The following ZFYVE26 variants were observed in gnomAD, a reference collection of about 807,000 sequenced individuals.
ZFYVE26 encodes zinc finger FYVE-type containing 26, also known as zinc finger FYVE domain-containing protein 26.
Under a neutral mutation model 276.5 loss-of-function variants are expected in ZFYVE26, and 181 were observed. The observed-to-expected ratio is 0.65, with a 90% confidence interval of 0.58 to 0.74. ZFYVE26 has a LOEUF of 0.74. ZFYVE26 is among the 30% of genes least tolerant of loss of function. The pLI is 0.00. For synonymous variants in ZFYVE26, 1,129 were observed against 1,203.1 expected (o/e 0.94, Z 1.27); for missense variants, 2,821 against 3,097.9 (o/e 0.91, Z 2.12).
rs755986101 is a variant in ZFYVE26 at position 67,782,763 on chromosome 14, C to A, written c.4372+17G>T. The A allele has an allele frequency of 3.1e-6, 5 of 1,613,950 alleles. No individual in the cohort carries two copies. The highest frequency in any genetic ancestry group is 3.4e-6 in the Non-Finnish European group (4 of 1,180,026). ...TATTACCACTAGTGAAAAAGGGAGG[C>A]ATAGCATTCTGCTCACCACATGCCA... On this transcript the variant is annotated intron_variant, in intron 21 of 41. Transcript: ENST00000347230.
At chr14:67,761,025 C>T (rs1007823974) in intron 35 of ZFYVE26, 11 of 581,070 alleles carry the variant, frequency 1.9e-5, no homozygotes, top group African/African-American at 1.9e-4. Context: ...TGGAAGCAGA[C>T]TCTAAGCAAT....
In ZFYVE26 at chr14:67,798,544, T is replaced by C; in HGVS notation, c.1718A>G (p.Glu573Gly). 1 of 1,613,974 alleles carries C rather than the reference T, an allele frequency of 6.2e-7. No homozygotes were observed. The highest frequency in any genetic ancestry group is 1.1e-5 in the South Asian group (1 of 91,074). ...CAATGAGAAGATGTTTTCCAGAAGC[T>C]CCAGGCACAGAGAGTCAGGAATACT... ...LCSIPDSLCL[E>G]LLENIFSLLL... The change falls in exon 11 of 42, where the codon GAG becomes GGG. Residue 573 changes from glutamate to glycine, a missense_variant. Coordinates refer to ENST00000347230, the MANE Select transcript of ZFYVE26 (RefSeq NM_015346.4).
chr14:67,784,885 C>T (rs557855337), intron 19 of ZFYVE26, among the ~76,000 whole-genome samples, 174 bp downstream of exon 19: 1 of 152,324 alleles, frequency 6.6e-6, no homozygotes, highest in Non-Finnish European at 1.5e-5. Context: ...TACAGCTATA[C>T]TAGCACAAAG....
At chr14:67,774,432 G>T (rs1213183415) in intron 27 of ZFYVE26, among the ~76,000 whole-genome samples, 2 of 152,078 alleles carry the variant, frequency 1.3e-5, no homozygotes, top group Non-Finnish European at 2.9e-5. Flanking sequence ...CCAGGAGGCG[G>T]AGGTTGCAGT....
chr14:67,729,543 A>G, exon 14 of ZFYVE26: 2 of 712,124 alleles, frequency 2.8e-6, no homozygotes, highest in East Asian at 2.7e-5. Flanking sequence ...GGAAACTTAC[A>G]GTACAAACTT....
intron 13 of ZFYVE26, among the ~76,000 whole-genome samples, chr14:67,732,430 A>G (rs1391680351): frequency 6.7e-4 from 2 of 2,992 alleles, no homozygotes; most frequent in African/African-American, 1.7e-3. Context: ...ACCCTATCTC[A>G]AAAAAAAAAA....
In ZFYVE26 at chr14:67,769,652, C is replaced by T; in HGVS notation, c.5563G>A (p.Gly1855Ser). The T allele has an allele frequency of 6.2e-7, 1 of 1,614,050 alleles. No individual in the cohort carries two copies. Among genetic ancestry groups the T allele is most frequent in the Non-Finnish European group, 8.5e-7 (1 of 1,179,938 alleles). ...ACACGAGCAGGGTTCTCTCTGCAGCCTTCAACCACCATTTTCTTAGTGGAG... is the reference window on the plus strand; with the variant it reads ...ACACGAGCAGGGTTCTCTCTGCAGCTTTCAACCACCATTTTCTTAGTGGAG... The part of the protein sequence containing the change: ...SCSTKKMVVE[G>S]CRENPARVCD... Residue 1855 changes from glycine to serine, a missense_variant, in exon 29 of 42, where the codon GGC becomes AGC. Coordinates refer to ENST00000347230, the MANE Select transcript of ZFYVE26 (RefSeq NM_015346.4).
chr14:67,750,897 C>T (rs1235291273), intron 41 of ZFYVE26, 155 bp downstream of exon 41: 13 of 923,522 alleles, frequency 1.4e-5, no homozygotes, highest in African/African-American at 6.5e-5. Flanking sequence ...CTCCTTTCTA[C>T]ACCCCTATCC....
chr14:67,780,509 G>A (rs1369307134), intron 22 of ZFYVE26, among the ~76,000 whole-genome samples, 164 bp from the exon 23 acceptor site: 2 of 152,180 alleles, frequency 1.3e-5, no homozygotes, highest in Non-Finnish European at 2.9e-5. Flanking sequence ...ATTATTTAGA[G>A]AGCAGAGTGA....
chr14:67,775,126 G>C lies in ZFYVE26; in HGVS notation c.5222-12C>G, dbSNP rs764707646. Reference sequence around the variant, plus strand: ...GTGAATCACAGAATCTGTAGAGAGGGAAAATGCTGACAAAATATGGTTCTA... The same window carrying C: ...GTGAATCACAGAATCTGTAGAGAGGCAAAATGCTGACAAAATATGGTTCTA... On this transcript the variant is annotated splice_polypyrimidine_tract_variant and intron_variant, in intron 26 of 41. Transcript: ENST00000347230. 13 of 1,574,126 alleles carry C rather than the reference G, an allele frequency of 8.3e-6. No individual in the cohort carries two copies. The East Asian group carries it at 2.5e-4, about 30-fold the overall frequency.
rs746887711 is a variant in ZFYVE26, at chr14:67,798,356, C to T, written c.1906G>A (p.Gly636Arg). Residue 636 changes from glycine (G) to arginine (R), a missense_variant, in exon 11 of 42, where the codon GGA (glycine) becomes AGA (arginine). By Grantham distance (125) the Gly-to-Arg change is moderately radical (BLOSUM62 -2). Coordinates refer to ENST00000347230, the MANE Select transcript of ZFYVE26 (RefSeq NM_015346.4). The stretch of plus-strand genomic sequence containing the variant: ...GTATAAGCAAGGGTCTTTGGGACTC[C>T]CAGGGAACCCCGTTCTGACTTCCTT... ...PERKSERGSL[G>R]VPKTLAYTMP... 1.4e-5 allele frequency: 23 copies of T among 1,609,760 alleles called. 2 individuals carry two copies. Among genetic ancestry groups the T allele is most frequent in the Middle Eastern group, 1.7e-4 (1 of 6,030 alleles).
intron 5 of ZFYVE26, 105 bp from the exon 6 acceptor site, chr14:67,806,780 C>T (rs1335203457): frequency 2.1e-6 from 3 of 1,418,946 alleles, no homozygotes; most frequent in Non-Finnish European, 2.9e-6. Flanking sequence ...CTTTTAAAAA[C>T]TTAGGCTGGG....
intron 35 of ZFYVE26, among the ~76,000 whole-genome samples, chr14:67,757,560 T>C (rs1415041902): frequency 6.6e-6 from 1 of 152,220 alleles, no homozygotes; most frequent in Non-Finnish European, 1.5e-5. Context: ...TTATTTTTCT[T>C]CTTCTTATTC....
Position 67,816,532 on chromosome 14 carries a change from AC to A in ZFYVE26, c.-84+1del, listed in dbSNP as rs1028438780. 3 of 152,682 alleles carry A rather than the reference AC, an allele frequency of 2.0e-5. No homozygotes were observed. Among genetic ancestry groups the A allele is most frequent in the Admixed American group, 2.0e-4 (3 of 15,324 alleles). The allele number at this position is 152,682 out of a possible 1,614,324, so 9.5% of individuals were successfully genotyped here. ...TCCCTCTCAGGGGTGTCTTACACTCACCTGCTCCCGGCGCCCAAAGCAATAG... is the reference window on the plus strand; with the variant it reads ...TCCCTCTCAGGGGTGTCTTACACTCACTGCTCCCGGCGCCCAAAGCAATAG... On this transcript the variant is annotated splice_donor_variant, in intron 1 of 41. Coordinates refer to ENST00000347230, the MANE Select transcript of ZFYVE26 (RefSeq NM_015346.4). LOFTEE classifies it low-confidence loss of function (5UTR_SPLICE).
intron 12 of ZFYVE26, chr14:67,796,501 A>C (rs12435419): frequency 0.98 from 149,649 of 152,106 alleles, 73,644 homozygotes; most frequent in East Asian, 1. Flanking sequence ...CCACCGTGCC[A>C]GGCCGAAGAA....
chr14:67,777,143 T>C (rs2039365561), intron 25 of ZFYVE26, among the ~76,000 whole-genome samples: 1 of 152,224 alleles, frequency 6.6e-6, no homozygotes, highest in Non-Finnish European at 1.5e-5. Flanking sequence ...GTCCAGTCCC[T>C]ATCCCAAGAC....
At chr14:67,765,624 A>G (rs1011744368) in intron 32 of ZFYVE26, among the ~76,000 whole-genome samples, 3 of 152,196 alleles carry the variant, frequency 2.0e-5, no homozygotes, top group Non-Finnish European at 4.4e-5. Context: ...GGGAATTAGG[A>G]GTCACTGTCA....
intron 2 of ZFYVE26, chr14:67,815,410 G>A (rs759228675): frequency 1.0e-5 from 3 of 290,276 alleles, no homozygotes; most frequent in South Asian, 3.9e-5. Flanking sequence ...TAAGTAAAGC[G>A]ACAACAATAT....
intron 39 of ZFYVE26, among the ~76,000 whole-genome samples, chr14:67,753,041 G>A (rs2038690278): frequency 6.6e-6 from 1 of 152,182 alleles, no homozygotes; most frequent in Non-Finnish European, 1.5e-5. Context: ...GGGTATCTGT[G>A]TGTGGTGAGC....
Sources: allele counts gnomAD v4.1 joint callset (sites outside exome capture counted in the v4.1 genomes callset), GRCh38; gene constraint gnomAD v4.1.1; transcripts MANE v1.5; gene names NCBI Gene and HGNC (gene_info 2026-07-23, HGNC 2026-07-21).